Variants in ZNF536 observed in about 807,000 individuals in gnomAD.
ZNF536 encodes zinc finger protein 536.
Under a neutral mutation model 84.5 loss-of-function variants are expected in ZNF536, and 13 were observed. The ratio of observed to expected loss-of-function variants is 0.15; its 90% CI spans 0.10 to 0.24. The LOEUF is 0.24. ZNF536 is among the 10% of genes least tolerant of loss of function. The pLI is 1.00. For synonymous variants in ZNF536, 811 were observed against 742.5 expected (o/e 1.09, Z -1.50); for missense variants, 1,536 against 1,747.5 (o/e 0.88, Z 2.16).
intron 1 of ZNF536, among the ~76,000 whole-genome samples, chr19:30,250,970 C>T (rs541149187): frequency 1.3e-5 from 2 of 151,538 alleles, no homozygotes; most frequent in African/African-American, 4.8e-5. Flanking sequence ...CACATATGGT[C>T]TGTCCATGAT....
intron 2 of ZNF536, among the ~76,000 whole-genome samples, chr19:30,520,768 A>G (rs2044287683): frequency 6.6e-6 from 1 of 151,918 alleles, no homozygotes; most frequent in Non-Finnish European, 1.5e-5. Context: ...CATACTTTAG[A>G]CCTTGTAGAT....
chr19:30,228,055 T>TGTGC (rs1237660611), upstream of ZNF536, among the ~76,000 whole-genome samples: 7 of 151,832 alleles, frequency 4.6e-5, no homozygotes, highest in African/African-American at 1.7e-4. This position sits in a 1 kb window ranked among gnomAD's most constrained non-coding sequence, Gnocchi z 4.5. Flanking sequence ...TGCGTGTGTA[T>TGTGC]GTGCGTGCGT....
chr19:30,578,486 G>C (rs964164118), intron 1 of ZNF536, among the ~76,000 whole-genome samples: 1 of 152,182 alleles, frequency 6.6e-6, no homozygotes, highest in Non-Finnish European at 1.5e-5. Context: ...GGACATCTTG[G>C]CTTTTTCTTG....
intron 2 of ZNF536, among the ~76,000 whole-genome samples, chr19:30,331,292 TAAAAAAAAA>T (rs11324495): frequency 1.1e-3 from 46 of 41,740 alleles, no homozygotes; most frequent in African/African-American, 3.1e-3. Flanking sequence ...CCCTGTATCT[TAAAAAAAAA>T]AAAAAAAAAA....
Position 30,286,971 on chromosome 19 carries a change from C to A in ZNF536, c.-120+2830C>A, listed in dbSNP as rs542747069. Reference sequence around the variant, plus strand: ...AAATGAGGAAATGGCTCTGATTTACCTTTGTGTTAGGAAGATTTGGAATCC... The same window carrying A: ...AAATGAGGAAATGGCTCTGATTTACATTTGTGTTAGGAAGATTTGGAATCC... On this transcript the variant is annotated intron_variant, in intron 2 of 5. Coordinates refer to the ZNF536 transcript ENST00000585628. Among the ~76,000 whole-genome samples the A allele has an allele frequency of 8.5e-5, 13 of 152,250 alleles. No individual in the cohort carries two copies. The South Asian group carries it at 2.5e-3, about 29-fold the overall frequency.
chr19:30,509,003 T>G (rs568857361), intron 2 of ZNF536, among the ~76,000 whole-genome samples: 1 of 150,822 alleles, frequency 6.6e-6, no homozygotes, highest in African/African-American at 2.4e-5. Flanking sequence ...GACTAATTTT[T>G]AAAAAATTTC....
chr19:30,464,086 T>C (rs1031050451), intron 2 of ZNF536, among the ~76,000 whole-genome samples: 2 of 152,204 alleles, frequency 1.3e-5, no homozygotes, highest in African/African-American at 4.8e-5. Context: ...AAGCCAGGGG[T>C]ACAACCTTCA....
chr19:30,307,387 CAAA>C (rs36015954), intron 2 of ZNF536, among the ~76,000 whole-genome samples: 1 of 141,916 alleles, frequency 7.0e-6, no homozygotes, highest in African/African-American at 2.6e-5. Flanking sequence ...AGAGGACGTG[CAAA>C]AAAAAAAAAA....
intron 1 of ZNF536, among the ~76,000 whole-genome samples, chr19:30,605,208 T>TG (rs569712874): frequency 6.6e-6 from 1 of 152,104 alleles, no homozygotes; most frequent in African/African-American, 2.4e-5. Context: ...TCCATAGTTT[T>TG]GGGGGGTGCA....
At chr19:30,338,701 C>A (rs544818151) in intron 2 of ZNF536, among the ~76,000 whole-genome samples, 3 of 152,202 alleles carry the variant, frequency 2.0e-5, no homozygotes, top group African/African-American at 7.2e-5. Context: ...TAGCATTTCA[C>A]AGGGTTGTTG....
intron 1 of ZNF536, among the ~76,000 whole-genome samples, chr19:30,572,663 G>A (rs552357548): frequency 5.3e-5 from 8 of 152,288 alleles, no homozygotes; most frequent in South Asian, 4.2e-4. Context: ...GACATCTCTC[G>A]TGGGGCTTAC....
intron 1 of ZNF536, among the ~76,000 whole-genome samples, chr19:30,241,502 G>A (rs577044259): frequency 9.9e-5 from 15 of 152,280 alleles, no homozygotes; most frequent in African/African-American, 3.4e-4. Context: ...TGGACTTGGC[G>A]GTGGATACCA....
At chr19:30,227,035 G>C (rs756478921), upstream of ZNF536, among the ~76,000 whole-genome samples, 6 of 151,916 alleles carry the variant, frequency 3.9e-5, no homozygotes, top group Non-Finnish European at 8.8e-5. Context: ...TGATGAGTAG[G>C]AAAGTGTCCA....
At chr19:30,640,573 C>T (rs546997596) in intron 1 of ZNF536, among the ~76,000 whole-genome samples, 1 of 152,326 alleles carries the variant, frequency 6.6e-6, no homozygotes, top group South Asian at 2.1e-4. Flanking sequence ...TCGCAAGAGT[C>T]AGGCCCAAGA....
intron 2 of ZNF536, among the ~76,000 whole-genome samples, chr19:30,307,848 C>T (rs1395700959): frequency 2.0e-5 from 3 of 152,184 alleles, no homozygotes; most frequent in African/African-American, 4.8e-5. Flanking sequence ...AGTTGCTCTT[C>T]TTACCCAGAA....
intron 2 of ZNF536, among the ~76,000 whole-genome samples, chr19:30,345,479 C>T (rs866839904): frequency 2.0e-5 from 3 of 152,314 alleles, no homozygotes; most frequent in Middle Eastern, 3.4e-3. Context: ...GTGTCTTCAC[C>T]AGTTTATGGT....
At position 30,342,791 on chromosome 19, in the gene ZNF536, C is replaced by A. The variant is rs184714748; in HGVS notation, c.-119-9577C>A. 1.8e-3 allele frequency among the ~76,000 whole-genome samples: 280 copies of A among 152,264 alleles called. 1 individual carries two copies. Among genetic ancestry groups the A allele is most frequent in the Non-Finnish European group, 2.7e-3 (182 of 68,014 alleles). On this transcript the variant is annotated intron_variant, in intron 2 of 5. Coordinates refer to the ZNF536 transcript ENST00000585628. Reference sequence around the variant, plus strand: ...TAATTTTATCCAACTTTATTGGCAGCTTATTTTGAACTAATGTGCAATAAA... The same window carrying A: ...TAATTTTATCCAACTTTATTGGCAGATTATTTTGAACTAATGTGCAATAAA...
chr19:30,596,858 T>TAA (rs59926991), intron 1 of ZNF536, among the ~76,000 whole-genome samples: 71 of 143,432 alleles, frequency 5.0e-4, no homozygotes, highest in Admixed American at 1.9e-3. Flanking sequence ...TTTTTTTAGC[T>TAA]AAAAAAAAAA....
rs1468743818 is a variant in ZNF536 at position 30,333,267 on chromosome 19, G to A, written c.-119-19101G>A. ...GCCCTGGTAGAGGGACCTCTTCTGT[G>A]GCCACAGTCCCAGCTTCATCTCTGA... On this transcript the variant is annotated intron_variant, in intron 2 of 5. Coordinates refer to the ZNF536 transcript ENST00000585628. 4.7e-4 allele frequency among the ~76,000 whole-genome samples: 71 copies of A among 152,162 alleles called. 2 individuals are homozygous for A. The highest frequency in any genetic ancestry group is 4.6e-3 in the Admixed American group (71 of 15,278).
Sources: gnomAD v4.1 joint callset for allele counts (sites outside exome capture counted in the v4.1 genomes callset) on GRCh38, gnomAD v4.1.1 for gene constraint, Gnocchi (gnomAD v3.1) non-coding constraint, MANE v1.5 for transcripts, NCBI Gene and HGNC (gene_info 2026-07-23, HGNC 2026-07-21) for gene names.